The following ERBB4 variants were observed in gnomAD, a reference collection of about 807,000 sequenced individuals.
The protein encoded by ERBB4 is erb-b2 receptor tyrosine kinase 4.
In ERBB4, 42 loss-of-function variants were observed where a neutral mutation model predicts 158.0. The ratio of observed to expected loss-of-function variants is 0.27; its 90% CI spans 0.21 to 0.34. The LOEUF (loss-of-function observed/expected upper bound fraction) is 0.34, where lower values mean the gene tolerates loss of function less well. ERBB4 is among the 10% of genes least tolerant of loss of function. The pLI is 1.00. For missense variants in ERBB4, 1,333 were observed against 1,624.1 expected (o/e 0.82, Z 3.08); for synonymous variants, 583 against 558.7 (o/e 1.04, Z -0.61).
intron 3 of ERBB4, among the ~76,000 whole-genome samples, chr2:211,815,004 T>C (rs1338513163): frequency 1.3e-5 from 2 of 152,162 alleles, no homozygotes; most frequent in Non-Finnish European, 2.9e-5. Context: ...TTGATAGGTG[T>C]TTTTCCAGAG....
chr2:212,177,196 A>G (rs2081695345), intron 1 of ERBB4, among the ~76,000 whole-genome samples: 1 of 151,794 alleles, frequency 6.6e-6, no homozygotes, highest in Non-Finnish European at 1.5e-5. Context: ...AAGGTAAAAA[A>G]ATGTAAATAA....
chr2:212,119,974 T>C (rs2079696785), intron 2 of ERBB4, among the ~76,000 whole-genome samples: 1 of 152,160 alleles, frequency 6.6e-6, no homozygotes, highest in Non-Finnish European at 1.5e-5. Flanking sequence ...ACAAGGCATT[T>C]TAGTGTACTA....
chr2:211,527,492 A>G lies in ERBB4; in HGVS notation c.2487+34411T>C, dbSNP rs531982249. Among the ~76,000 whole-genome samples, 4 of 152,230 alleles carry G rather than the reference A, an allele frequency of 2.6e-5. No homozygotes were observed. In the East Asian group the frequency reaches 7.7e-4, roughly 29 times the overall value. ...GAAGAAAAGCATATTAATGAACAATAAGACATCATCTGAAGGTACAAAACT... is the reference window on the plus strand; with the variant it reads ...GAAGAAAAGCATATTAATGAACAATGAGACATCATCTGAAGGTACAAAACT... On this transcript the variant is annotated intron_variant, in intron 20 of 27. Transcript: ENST00000342788.
At chr2:212,000,251 G>A (rs1052276224) in intron 2 of ERBB4, among the ~76,000 whole-genome samples, 6 of 151,746 alleles carry the variant, frequency 4.0e-5, no homozygotes, top group Admixed American at 1.3e-4. Context: ...TACAGCCCAA[G>A]AGTTATTACA....
Position 211,708,879 on chromosome 2 carries a change from G to A in ERBB4, c.1124+3171C>T, listed in dbSNP as rs533079755. Among the ~76,000 whole-genome samples, 145 of 152,092 alleles carry A rather than the reference G, an allele frequency of 9.5e-4. 1 individual carries two copies. The highest frequency in any genetic ancestry group is 3.4e-3 in the African/African-American group (141 of 41,516). On this transcript the variant is annotated intron_variant, in intron 9 of 27. Transcript: ENST00000342788. ...ATGCAACTCAACACAAACCCTCCGT[G>A]GTGGAGCTGCAAATCACACTCCAGT...
chr2:212,451,830 T>C lies in ERBB4; in HGVS notation c.82+86619A>G, dbSNP rs190214219. ...CTTAAGCATACATTCCTTTCATTTC[T>C]GTCTAGTTGCTACAGGGCGCAGCTA... On this transcript the variant is annotated intron_variant, in intron 1 of 27. Transcript: ENST00000342788. 4.9e-3 allele frequency among the ~76,000 whole-genome samples: 751 copies of C among 152,282 alleles called. 2 individuals carry two copies. The highest frequency in any genetic ancestry group is 6.9e-3 in the Non-Finnish European group (470 of 68,020).
chr2:212,177,134 G>A (rs2081691904), intron 1 of ERBB4, among the ~76,000 whole-genome samples: 1 of 151,634 alleles, frequency 6.6e-6, no homozygotes, highest in South Asian at 2.1e-4. Context: ...TTTCAGATTT[G>A]TATTGTCAGT....
At chr2:212,339,790 C>T (rs73074230) in intron 1 of ERBB4, among the ~76,000 whole-genome samples, 8,761 of 151,826 alleles carry the variant, frequency 0.058, 846 homozygotes, top group African/African-American at 0.2. Flanking sequence ...TAAAAATATG[C>T]TTTTTTAAAA....
intron 3 of ERBB4, among the ~76,000 whole-genome samples, chr2:211,855,758 C>A (rs988048829): frequency 6.6e-6 from 1 of 152,038 alleles, no homozygotes; most frequent in South Asian, 2.1e-4. Flanking sequence ...TCTTTTTCTT[C>A]AAGAATATTC....
chr2:212,535,622 CAAGG>C (rs1395952644), intron 1 of ERBB4, among the ~76,000 whole-genome samples: 1 of 152,114 alleles, frequency 6.6e-6, no homozygotes, highest in Non-Finnish European at 1.5e-5. Flanking sequence ...TTCCATTATA[CAAGG>C]AAGACGAATT....
At chr2:212,079,149 C>G (rs111970259) in intron 2 of ERBB4, among the ~76,000 whole-genome samples, 4 of 150,924 alleles carry the variant, frequency 2.7e-5, no homozygotes, top group Non-Finnish European at 5.9e-5. Context: ...ATCAGATATA[C>G]ACATAATTTT....
At chr2:212,023,487 G>A (rs565534387) in intron 2 of ERBB4, among the ~76,000 whole-genome samples, 1 of 145,338 alleles carries the variant, frequency 6.9e-6, no homozygotes, top group East Asian at 2.1e-4. Context: ...TTAAGTATTA[G>A]ATTAATAAAA....
intron 1 of ERBB4, among the ~76,000 whole-genome samples, chr2:212,450,681 A>G (rs978010151): frequency 1.3e-5 from 2 of 152,140 alleles, no homozygotes; most frequent in African/African-American, 2.4e-5. Context: ...TAAAGCAGCA[A>G]TAAGAAACCT....
chr2:211,836,308 A>T (rs2077339814), intron 3 of ERBB4, among the ~76,000 whole-genome samples: 1 of 152,090 alleles, frequency 6.6e-6, no homozygotes, highest in African/African-American at 2.4e-5. Flanking sequence ...ACACACTTTC[A>T]GATCATAAGG....
chr2:212,393,988 T>C (rs2090953813), intron 1 of ERBB4, among the ~76,000 whole-genome samples: 1 of 152,144 alleles, frequency 6.6e-6, no homozygotes, highest in Admixed American at 6.6e-5. Context: ...GCAAAATTTC[T>C]ATTAGTCTGA....
intron 1 of ERBB4, among the ~76,000 whole-genome samples, chr2:212,423,915 T>A (rs1288673166): frequency 6.6e-6 from 1 of 152,116 alleles, no homozygotes; most frequent in Admixed American, 6.6e-5. Flanking sequence ...ACATGAGGTA[T>A]TTTTTCCCAA....
intron 1 of ERBB4, among the ~76,000 whole-genome samples, chr2:212,147,354 T>G (rs1575703466): frequency 6.6e-6 from 1 of 151,896 alleles, no homozygotes; most frequent in East Asian, 1.9e-4. Flanking sequence ...ATAATTGAAT[T>G]TCTTCATTAT....
chr2:211,680,001 C>A (rs1045489034), intron 12 of ERBB4, among the ~76,000 whole-genome samples: 4 of 152,128 alleles, frequency 2.6e-5, no homozygotes, highest in Admixed American at 2.0e-4. Context: ...TTCTACAGGA[C>A]CCTGCTGTAT....
At chr2:212,433,011 G>A (rs564878064) in intron 1 of ERBB4, among the ~76,000 whole-genome samples, 2 of 151,944 alleles carry the variant, frequency 1.3e-5, no homozygotes, top group African/African-American at 2.4e-5. Context: ...TTGTAACATC[G>A]AAGGGTTATA....
Sources: allele counts gnomAD v4.1 joint callset (sites outside exome capture counted in the v4.1 genomes callset), GRCh38; gene constraint gnomAD v4.1.1; transcripts MANE v1.5; gene names NCBI Gene and HGNC (gene_info 2026-07-23, HGNC 2026-07-21).